The following MSH6 variants were observed in gnomAD, a reference collection of about 807,000 sequenced individuals.
MSH6 encodes the protein DNA mismatch repair protein Msh6.
MSH6 carries 85 observed loss-of-function variants against 119.1 expected under a neutral mutation model. The ratio of observed to expected loss-of-function variants is 0.71; its 90% CI spans 0.60 to 0.85. MSH6 has a LOEUF of 0.85. Among genes scored for constraint, MSH6 ranks in the 40% least tolerant of loss-of-function variants. The probability of loss-of-function intolerance (pLI) is 0.00; values close to 1 mark genes in which losing one functional copy is unlikely to be tolerated. For missense variants in MSH6, 2,163 were observed against 1,655.3 expected (o/e 1.31, Z -5.32); for synonymous variants, 830 against 586.9 (o/e 1.41, Z -5.99).
intron 1 of MSH6, among the ~76,000 whole-genome samples, chr2:47,786,064 C>G (rs1668329113): frequency 7.6e-6 from 1 of 131,322 alleles, no homozygotes; most frequent in Non-Finnish European, 1.8e-5. Context: ...ATTGTAGACT[C>G]CAAGTGGAAA....
At position 47,804,932 on chromosome 2, in the gene MSH6, C is replaced by G. The variant is rs786202842; in HGVS notation, c.3461C>G (p.Ala1154Gly). Residue 1154 changes from alanine (A) to glycine (G), a missense_variant, in exon 6 of 10, where the codon GCC becomes GGC. Physicochemically the swap from Ala to Gly is moderately conservative, Grantham distance 60. Coordinates refer to ENST00000234420, the MANE Select transcript of MSH6 (RefSeq NM_000179.3). Reference sequence around the variant, plus strand: ...CAGGCTGGCTTATTAGCTGTAATGGCCCAGATGGGTTGTTACGTCCCTGCT... The same window carrying G: ...CAGGCTGGCTTATTAGCTGTAATGGGCCAGATGGGTTGTTACGTCCCTGCT... ...MRQAGLLAVM[A>G]QMGCYVPAEV... is the part of the protein sequence containing the mutation. 16 of 1,613,932 alleles carry G rather than the reference C, an allele frequency of 9.9e-6. No individual in the cohort carries two copies. In the Admixed American group the frequency reaches 2.5e-4, roughly 25 times the overall value.
rs2104397903 is a variant in MSH6, at chr2:47,800,260, A to G, written c.2277A>G (p.Leu759=). The change falls in exon 4 of 10, where the codon CTA becomes CTG. Residue 759 remains leucine, a synonymous_variant. Transcript: ENST00000234420. ...GTNGSTEGTL[L]ERVDTCHTPF... is the part of the protein sequence containing the mutation. ...ATGGTTCTACTGAAGGAACCCTACT[A>G]GAGAGGGTTGATACTTGCCATACTC... 6.2e-7 allele frequency: 1 copy of G among 1,614,068 alleles called. No individual in the cohort carries two copies. The highest frequency in any genetic ancestry group is 8.5e-7 in the Non-Finnish European group (1 of 1,179,900).
intron 2 of MSH6, among the ~76,000 whole-genome samples, chr2:47,795,090 G>A (rs1668987821): frequency 6.6e-6 from 1 of 152,154 alleles, no homozygotes; most frequent in Non-Finnish European, 1.5e-5. Flanking sequence ...ATTGTGCCCA[G>A]CTAGTAAGTT....
At chr2:47,807,254 GTTTGT>G (rs1256736573), downstream of MSH6, 1 of 228,006 alleles carries the variant, frequency 4.4e-6, no homozygotes, top group African/African-American at 2.2e-5. Flanking sequence ...ATACAGGACT[GTTTGT>G]TTTGAAGAGA....
intron 1 of MSH6, among the ~76,000 whole-genome samples, chr2:47,790,115 C>G (rs529808397): frequency 6.6e-6 from 1 of 152,134 alleles, no homozygotes; most frequent in Non-Finnish European, 1.5e-5. Context: ...GAATGCTTAA[C>G]TTGTATGTTA....
rs2104506872 is a variant in MSH6, at chr2:47,804,965, G to T, written c.3494G>T (p.Cys1165Phe). 1 of 1,614,138 alleles carries T rather than the reference G, an allele frequency of 6.2e-7. No individual in the cohort carries two copies. Among genetic ancestry groups the T allele is most frequent in the Non-Finnish European group, 8.5e-7 (1 of 1,180,002 alleles). Residue 1165 changes from cysteine (C) to phenylalanine (F), a missense_variant, in exon 6 of 10, where the codon TGC becomes TTC. Coordinates refer to ENST00000234420, the MANE Select transcript of MSH6 (RefSeq NM_000179.3). ...GGTTGTTACGTCCCTGCTGAAGTGT[G>T]CAGGCTCACACCAATTGATAGAGTG... ...QMGCYVPAEV[C>F]RLTPIDRVFT... is the part of the protein sequence containing the mutation.
At chr2:47,790,589 A>T (rs895039034) in intron 1 of MSH6, among the ~76,000 whole-genome samples, 2 of 152,172 alleles carry the variant, frequency 1.3e-5, no homozygotes, top group Admixed American at 6.6e-5. Context: ...TATAGGTGCT[A>T]CTAATTTGGA....
chr2:47,796,621 A>G (rs1029392923), intron 3 of MSH6, among the ~76,000 whole-genome samples: 3 of 152,238 alleles, frequency 2.0e-5, no homozygotes, highest in Non-Finnish European at 2.9e-5. Flanking sequence ...AAACCTTGAA[A>G]TACAACCTTG....
chr2:47,799,003 C>G lies in MSH6; in HGVS notation c.1020C>G (p.Phe340Leu). ...AAACCAAGAATACTTTGAGAGCTTT[C>G]TCTGCCCCTCAAAATTCTGAATCCC... ...SSETKNTLRAFSAPQNSESQA... is the reference protein window; with the variant it reads ...SSETKNTLRALSAPQNSESQA... The change falls in exon 4 of 10, where the codon TTC (phenylalanine) becomes TTG (leucine). Residue 340 changes from phenylalanine to leucine, a missense_variant. Coordinates refer to ENST00000234420, the MANE Select transcript of MSH6 (RefSeq NM_000179.3). 1 of 1,614,232 alleles carries G rather than the reference C, an allele frequency of 6.2e-7. No homozygotes were observed. The highest frequency in any genetic ancestry group is 8.5e-7 in the Non-Finnish European group (1 of 1,180,042).
chr2:47,808,939 C>T (rs1479933572), downstream of MSH6: 1 of 403,568 alleles, frequency 2.5e-6, no homozygotes, highest in East Asian at 4.4e-5. Flanking sequence ...TCCAGTGATC[C>T]TCCCACTTCA....
chr2:47,788,174 T>C (rs1668456510), intron 1 of MSH6, among the ~76,000 whole-genome samples: 1 of 151,952 alleles, frequency 6.6e-6, no homozygotes, highest in Non-Finnish European at 1.5e-5. Context: ...TTGGAGGAAC[T>C]GCATATTAGT....
At chr2:47,808,086 C>A, downstream of MSH6, 1 of 1,571,980 alleles carries the variant, frequency 6.4e-7, no homozygotes, top group Non-Finnish European at 8.7e-7. Context: ...TATGATGTTA[C>A]AATGGCAGGA....
Position 47,806,195 on chromosome 2 carries a change from CT to C in MSH6, c.3647-6del. On this transcript the variant is annotated splice_polypyrimidine_tract_variant and splice_region_variant and intron_variant, in intron 7 of 9. Transcript: ENST00000234420. Reference sequence around the variant, plus strand: ...GAGTTACTTCCTTATGCATATTTTACTTTAACAGGAAGAGGTACTGCAACAT... The same window carrying C: ...GAGTTACTTCCTTATGCATATTTTACTTAACAGGAAGAGGTACTGCAACAT... 3 of 1,613,448 alleles carry C rather than the reference CT, an allele frequency of 1.9e-6. No homozygotes were observed. The highest frequency in any genetic ancestry group is 2.5e-6 in the Non-Finnish European group (3 of 1,179,552).
At chr2:47,792,555 G>T (rs3136289) in intron 2 of MSH6, among the ~76,000 whole-genome samples, 4,847 of 152,068 alleles carry the variant, frequency 0.032, 307 homozygotes, top group East Asian at 0.25. Context: ...TTGCCATGTT[G>T]CCCAAGCTGG....
intron 2 of MSH6, among the ~76,000 whole-genome samples, chr2:47,792,348 T>A (rs979780093): frequency 9.2e-5 from 14 of 152,158 alleles, no homozygotes; most frequent in Admixed American, 7.9e-4. Context: ...TCACACTCTT[T>A]CGTCATAGTG....
intron 1 of MSH6, among the ~76,000 whole-genome samples, chr2:47,788,899 TCTTCTTC>T (rs1558649973): frequency 1.1e-5 from 1 of 87,546 alleles, no homozygotes; most frequent in Non-Finnish European, 2.4e-5. Context: ...TTTCTTTCTT[TCTTCTTC>T]CTTTTTTTTT....
At position 47,786,653 on chromosome 2, in the gene MSH6, C is replaced by T. The variant is rs75321559; in HGVS notation, c.260+3160C>T. ...CTGGCCGTGAGCCACCGTGTCTGTC[C>T]GAGCATCTTTTAATGTTTGTCATTT... On this transcript the variant is annotated intron_variant, in intron 1 of 9. Transcript: ENST00000234420. Among the ~76,000 whole-genome samples the T allele has an allele frequency of 4.9e-4, 74 of 152,150 alleles. 1 individual carries two copies. The East Asian group carries it at 0.011, about 22-fold the overall frequency.
chr2:47,795,048 C>T (rs1461412829), intron 2 of MSH6, among the ~76,000 whole-genome samples: 1 of 152,172 alleles, frequency 6.6e-6, no homozygotes, highest in Non-Finnish European at 1.5e-5. Context: ...CTGCTTCTGC[C>T]TCCCAGAGTG....
chr2:47,794,144 A>C lies in MSH6; in HGVS notation c.458-1750A>C, dbSNP rs1213696997. Among the ~76,000 whole-genome samples, 4 of 151,526 alleles carry C rather than the reference A, an allele frequency of 2.6e-5. No homozygotes were observed. In the East Asian group the frequency reaches 8.3e-4, roughly 32 times the overall value. ...TCACCTGAGGTCAGGAGTTGCAGACAAGCCTGGCCAACATGGTGAAACCCT... is the reference window on the plus strand; with the variant it reads ...TCACCTGAGGTCAGGAGTTGCAGACCAGCCTGGCCAACATGGTGAAACCCT... On this transcript the variant is annotated intron_variant, in intron 2 of 9. Coordinates refer to ENST00000234420, the MANE Select transcript of MSH6 (RefSeq NM_000179.3).
Sources: allele counts gnomAD v4.1 joint callset (sites outside exome capture counted in the v4.1 genomes callset), GRCh38; gene constraint gnomAD v4.1.1; transcripts MANE v1.5; gene names NCBI Gene and HGNC (gene_info 2026-07-23, HGNC 2026-07-21).